The following AKAP9 variants were observed in gnomAD, a reference collection of about 807,000 sequenced individuals.
The protein encoded by AKAP9 is A-kinase anchoring protein 9, also known as A-kinase anchor protein 9.
In AKAP9, 311 loss-of-function variants were observed where a neutral mutation model predicts 488.5. The ratio of observed to expected loss-of-function variants is 0.64; its 90% confidence interval spans 0.58 to 0.70. AKAP9 has a LOEUF of 0.70. AKAP9 is among the 30% of genes least tolerant of loss of function. AKAP9 has a pLI of 0.00. For synonymous variants in AKAP9, 1,462 were observed against 1,483.5 expected, an observed-to-expected ratio of 0.99 and a Z score of 0.33; for missense variants, 4,215 against 4,374.5, an observed-to-expected ratio of 0.96 and a Z score of 1.03.
intron 1 of AKAP9, among the ~76,000 whole-genome samples, chr7:91,945,804 T>C (rs1791386198): frequency 6.6e-6 from 1 of 152,212 alleles, no homozygotes; most frequent in Non-Finnish European, 1.5e-5. Context: ...TTTAAATGAC[T>C]TCATTTTTTT....
intron 1 of AKAP9, among the ~76,000 whole-genome samples, chr7:91,960,639 T>C (rs1224173726): frequency 6.6e-6 from 1 of 152,230 alleles, no homozygotes; most frequent in African/African-American, 2.4e-5. Context: ...CTTGAGATGA[T>C]ATATTTCTGT....
chr7:92,046,735 T>C (rs1470303127), intron 21 of AKAP9, among the ~76,000 whole-genome samples: 1 of 152,200 alleles, frequency 6.6e-6, no homozygotes, highest in African/African-American at 2.4e-5. Context: ...TTAGGTAACA[T>C]TTTCTTGGTC....
At chr7:92,033,671 C>T (rs1380870447) in intron 16 of AKAP9, among the ~76,000 whole-genome samples, 1 of 152,114 alleles carries the variant, frequency 6.6e-6, no homozygotes, top group Non-Finnish European at 1.5e-5. Flanking sequence ...CTCCTGATCT[C>T]AAGCAATCTA....
At position 92,084,861 on chromosome 7, in the gene AKAP9, G is replaced by A. The variant is rs1211758137; in HGVS notation, c.8753G>A (p.Ser2918Asn). 18 of 1,613,164 alleles carry A rather than the reference G, an allele frequency of 1.1e-5. No homozygotes were observed. Among genetic ancestry groups the A allele is most frequent in the Non-Finnish European group, 1.4e-5 (17 of 1,179,638 alleles). ...GGTCAGGGAATTTATCTTACACACAGTCAGGGATTTGACATAGCATCAGAA... is the reference window on the plus strand; with the variant it reads ...GGTCAGGGAATTTATCTTACACACAATCAGGGATTTGACATAGCATCAGAA... ...DWGQGIYLTH[S>N]QGFDIASEGR... Residue 2918 changes from serine (S) to asparagine (N), a missense_variant, in exon 35 of 50, where the codon AGT (serine) becomes AAT (asparagine). Ser to Asn is a conservative substitution (Grantham distance 46). This residue lies in a region of AKAP9 where 1,476 missense variants were observed against 1,477.4 expected (regional missense o/e 1.00). Coordinates refer to ENST00000356239, the MANE Select transcript of AKAP9 (RefSeq NM_005751.5).
At position 92,079,528 on chromosome 7, in the gene AKAP9, A is replaced by T; in HGVS notation, c.7395A>T (p.Leu2465=). 5 of 1,613,892 alleles carry T rather than the reference A, an allele frequency of 3.1e-6. No individual in the cohort carries two copies. Among genetic ancestry groups the T allele is most frequent in the Non-Finnish European group, 4.2e-6 (5 of 1,180,014 alleles). The change falls in exon 31 of 50, where the codon CTA becomes CTT. Residue 2465 remains leucine (L), a synonymous_variant. Coordinates refer to ENST00000356239, the MANE Select transcript of AKAP9 (RefSeq NM_005751.5). ...IDHLSKDKPE[L]EVVLTEDALK... ...ATCTGAGCAAAGACAAACCTGAACT[A>T]GAAGTAGTCCTTACAGAGGATGCTC...
In AKAP9 at chr7:92,099,845, A is replaced by G. The variant is rs774938501; in HGVS notation, c.10872A>G (p.Arg3624=). Residue 3624 remains arginine (R), a synonymous_variant, in exon 44 of 50, where the codon CGA becomes CGG. Transcript: ENST00000356239. ...MKLEEQIRWY[R]QTGAGRDNSS... ...TGGAAGAGCAGATCAGGTGGTATCG[A>G]CAGACAGGAGCTGGTAGAGATAATG... 21 of 1,613,946 alleles carry G rather than the reference A, an allele frequency of 1.3e-5. No individual in the cohort carries two copies. The South Asian group carries it at 2.1e-4, about 16-fold the overall frequency.
chr7:92,107,148 T>C lies in AKAP9; in HGVS notation c.11417-145T>C, dbSNP rs1818632886. 4 of 857,066 alleles carry C rather than the reference T, an allele frequency of 4.7e-6. No homozygotes were observed. The South Asian group carries it at 7.8e-5, about 17-fold the overall frequency. 53.1% of individuals were successfully genotyped at this position (857,066 alleles called of 1,614,324 possible). Reference sequence around the variant, plus strand: ...TTTTTGTTTGTACTGTTTTCTCCTTTATCAAGAATAATAGAAAATGACTAT... The same window carrying C: ...TTTTTGTTTGTACTGTTTTCTCCTTCATCAAGAATAATAGAAAATGACTAT... On this transcript the variant is annotated intron_variant, in intron 47 of 49. Transcript: ENST00000356239.
rs1178897435 is a variant in AKAP9 at position 92,085,629 on chromosome 7, T to C, written c.8967T>C (p.Asn2989=). The C allele has an allele frequency of 6.2e-7, 1 of 1,613,854 alleles. No homozygotes were observed. Among genetic ancestry groups the C allele is most frequent in the Non-Finnish European group, 8.5e-7 (1 of 1,179,890 alleles). The change falls in exon 36 of 50, where the codon AAT becomes AAC. Residue 2989 remains asparagine, a synonymous_variant. Transcript: ENST00000356239. ...TAGAAGAGAGAAAAGCTTACATCAA[T>C]ACAATCTCATCTCTAAAGGATTTAA... The part of the protein sequence containing the change: ...PWLEERKAYI[N]TISSLKDLIT...
At position 91,952,824 on chromosome 7, in the gene AKAP9, T is replaced by C. The variant is rs139822798; in HGVS notation, c.48+11677T>C. ...TATTAATGAGGGGTATTTTTGTGTTTTATATATTTTTTAGAGGCAGAGTCT... is the reference window on the plus strand; with the variant it reads ...TATTAATGAGGGGTATTTTTGTGTTCTATATATTTTTTAGAGGCAGAGTCT... On this transcript the variant is annotated intron_variant, in intron 1 of 49. Coordinates refer to ENST00000356239, the MANE Select transcript of AKAP9 (RefSeq NM_005751.5). Among the ~76,000 whole-genome samples, 173 of 152,216 alleles carry C rather than the reference T, an allele frequency of 1.1e-3. 1 individual carries two copies. The Middle Eastern group carries it at 0.014, about 12-fold the overall frequency.
chr7:92,004,568 T>G (rs1234216004), intron 8 of AKAP9, among the ~76,000 whole-genome samples: 2 of 152,208 alleles, frequency 1.3e-5, no homozygotes, highest in African/African-American at 4.8e-5. Context: ...TATTTTATTC[T>G]CATTGAAGCA....
At chr7:92,083,143 C>G (rs1813888974) in intron 32 of AKAP9, 27 bp from the exon 33 acceptor site, 1 of 1,609,622 alleles carries the variant, frequency 6.2e-7, no homozygotes, top group South Asian at 1.1e-5. Flanking sequence ...AACTGAATGC[C>G]CTACTGTTCT....
intron 31 of AKAP9, 137 bp from the exon 32 acceptor site, chr7:92,082,385 A>G (rs1813734180): frequency 2.4e-6 from 2 of 831,732 alleles, no homozygotes; most frequent in Non-Finnish European, 3.8e-6. Context: ...GTTTTTGGAA[A>G]GAGCATTGAT....
chr7:92,110,092 T>C (rs1215436939), intron 49 of AKAP9, 30 bp from the exon 50 acceptor site: 3 of 1,557,956 alleles, frequency 1.9e-6, no homozygotes, highest in Non-Finnish European at 1.8e-6. Context: ...TAATTTGAAA[T>C]CAGTTGAATT....
At chr7:92,077,660 G>A in intron 29 of AKAP9, 36 bp from the exon 30 acceptor site, 1 of 1,564,844 alleles carries the variant, frequency 6.4e-7, no homozygotes, top group Non-Finnish European at 8.8e-7. Flanking sequence ...GATAGGTAAT[G>A]ATATATCCAA....
chr7:92,050,338 A>G (rs1807765831), intron 21 of AKAP9, among the ~76,000 whole-genome samples: 1 of 151,456 alleles, frequency 6.6e-6, no homozygotes, highest in African/African-American at 2.4e-5. Context: ...CTCGTGATCC[A>G]CCTGCCTCGG....
At chr7:91,942,333 A>G (rs778826418) in intron 1 of AKAP9, among the ~76,000 whole-genome samples, 5 of 152,240 alleles carry the variant, frequency 3.3e-5, no homozygotes, top group Non-Finnish European at 7.3e-5. Flanking sequence ...CTAGCTTCAT[A>G]TTTCTAAAAT....
At chr7:91,952,400 A>C (rs147459860) in intron 1 of AKAP9, among the ~76,000 whole-genome samples, 245 of 152,350 alleles carry the variant, frequency 1.6e-3, no homozygotes, top group Non-Finnish European at 2.4e-3. Context: ...ACATAAAGAG[A>C]TAATTATAAA....
chr7:91,948,605 C>CTTT (rs55928500), intron 1 of AKAP9, among the ~76,000 whole-genome samples: 30 of 107,554 alleles, frequency 2.8e-4, no homozygotes, highest in Non-Finnish European at 4.0e-4. Context: ...TTGTAGATTT[C>CTTT]TTTTTTTTTT....
At chr7:92,023,267 T>A (rs1056687577) in intron 14 of AKAP9, among the ~76,000 whole-genome samples, 1 of 152,218 alleles carries the variant, frequency 6.6e-6, no homozygotes, top group Non-Finnish European at 1.5e-5. Context: ...GTTGTTAATC[T>A]GCTTAATTAA....
Sources: gnomAD v4.1 joint callset for allele counts (sites outside exome capture counted in the v4.1 genomes callset) on GRCh38, gnomAD v4.1.1 for gene constraint, gnomAD v4.1.1 regional missense constraint, MANE v1.5 for transcripts, NCBI Gene and HGNC (gene_info 2026-07-23, HGNC 2026-07-21) for gene names.